The following CPO variants were observed in gnomAD, a reference collection of about 807,000 sequenced individuals.
CPO encodes metallocarboxypeptidase C.
In CPO, 43 loss-of-function variants were observed where a neutral mutation model predicts 41.2. The observed-to-expected ratio is 1.04, with a 90% CI of 0.82 to 1.35. CPO has a LOEUF of 1.35. CPO is among the 40% of genes most tolerant of loss of function. CPO has a pLI of 0.00. For missense variants in CPO, 408 were observed against 451.7 expected (o/e 0.90, Z 0.88); for synonymous variants, 178 against 162.7 (o/e 1.09, Z -0.72).
At chr2:206,949,992 C>T (rs528116124) in intron 2 of CPO, among the ~76,000 whole-genome samples, 2 of 152,256 alleles carry the variant, frequency 1.3e-5, no homozygotes, top group South Asian at 2.1e-4. Flanking sequence ...TGAACATGAA[C>T]CAGAATTAAC....
At chr2:206,956,658 G>C (rs1018444736) in intron 3 of CPO, among the ~76,000 whole-genome samples, 4 of 152,142 alleles carry the variant, frequency 2.6e-5, no homozygotes, top group Admixed American at 6.5e-5. Context: ...AAGTTCCTAG[G>C]TGATGCTGAT....
In CPO at chr2:206,958,379, G is replaced by A; in HGVS notation, c.346G>A (p.Ala116Thr). 6.2e-7 allele frequency: 1 copy of A among 1,601,118 alleles called. No homozygotes were observed. Among genetic ancestry groups the A allele is most frequent in the Non-Finnish European group, 8.5e-7 (1 of 1,172,552 alleles). ...GIHAREWIAP[A>T]FCQWFVKEIL... ...TCACGCCAGAGAATGGATTGCTCCT[G>A]CTTTTTGCCAATGGTTCGTCAAAGA... Residue 116 changes from alanine (A) to threonine (T), a missense_variant, in exon 4 of 9, where the codon GCT (alanine) becomes ACT (threonine). Coordinates refer to ENST00000272852, the MANE Select transcript of CPO (RefSeq NM_173077.3).
intron 3 of CPO, 80 bp from the exon 4 acceptor site, chr2:206,958,221 A>G (rs1693407782): frequency 2.7e-6 from 2 of 729,258 alleles, no homozygotes; most frequent in Middle Eastern, 2.5e-4. Context: ...CTCTAGGGGA[A>G]TTAAAAATCT....
Position 206,949,630 on chromosome 2 carries a change from C to T in CPO, c.82C>T (p.His28Tyr). The T allele has an allele frequency of 6.2e-7, 1 of 1,613,086 alleles. No homozygotes were observed. The highest frequency in any genetic ancestry group is 8.5e-7 in the Non-Finnish European group (1 of 1,179,182). ...TTCCCTTTGCAGATCCTTAGCCCAA[C>T]ACAGACAAGAGATTGTGGACAAGTC... ...GLGYDRSLAQ[H>Y]RQEIVDKSVS... Residue 28 changes from histidine (H) to tyrosine (Y), a missense_variant, in exon 2 of 9, where the codon CAC (histidine) becomes TAC (tyrosine). Transcript: ENST00000272852.
At chr2:206,968,150 GT>G (rs2105831035) in intron 7 of CPO, 112 bp from the exon 8 acceptor site, 1 of 741,142 alleles carries the variant, frequency 1.3e-6, no homozygotes, top group Admixed American at 2.0e-5. Flanking sequence ...CCGATGGGAA[GT>G]TGGAAAGGTG....
rs753747348 is a variant in CPO at position 206,941,155 on chromosome 2, TGAAA to T, written c.68+1491_68+1494del. Among the ~76,000 whole-genome samples, 15 of 152,122 alleles carry T rather than the reference TGAAA, an allele frequency of 9.9e-5. No individual in the cohort carries two copies. In the East Asian group the frequency reaches 2.7e-3, roughly 27 times the overall value. Reference sequence around the variant, plus strand: ...TATACTGAGGAAATAAACTAAAGTCTGAAAGAGTTTTATGCAGCTCTGGGATACA... The same window carrying T: ...TATACTGAGGAAATAAACTAAAGTCTGAGTTTTATGCAGCTCTGGGATACA... On this transcript the variant is annotated intron_variant, in intron 1 of 8. Coordinates refer to ENST00000272852, the MANE Select transcript of CPO (RefSeq NM_173077.3).
At chr2:206,962,169 A>G (rs571594365) in intron 6 of CPO, among the ~76,000 whole-genome samples, 2 of 151,572 alleles carry the variant, frequency 1.3e-5, no homozygotes, top group Non-Finnish European at 2.9e-5. Flanking sequence ...TTCCCGGGCC[A>G]TGGAAGCATG....
chr2:206,960,649 G>A (rs1056170053), intron 5 of CPO, among the ~76,000 whole-genome samples: 2 of 152,186 alleles, frequency 1.3e-5, no homozygotes, highest in African/African-American at 2.4e-5. Context: ...TATACTTTTG[G>A]TTGTACAGAT....
chr2:206,962,307 C>A lies in CPO; in HGVS notation c.575-105C>A, dbSNP rs73983121. On this transcript the variant is annotated intron_variant, in intron 6 of 8. Coordinates refer to ENST00000272852, the MANE Select transcript of CPO (RefSeq NM_173077.3). ...ACTAACTCAGACAACCAAGGGCAAG[C>A]GCTGATTCTACTCACAGAGGCCCTG... 4.1e-6 allele frequency: 4 copies of A among 965,112 alleles called. No homozygotes were observed. The South Asian group carries it at 5.9e-5, about 14-fold the overall frequency. The allele number at this position is 965,112 out of a possible 1,614,324, so 59.8% of individuals were successfully genotyped here.
intron 1 of CPO, among the ~76,000 whole-genome samples, chr2:206,944,474 A>G: frequency 6.6e-6 from 1 of 151,820 alleles, no homozygotes; most frequent in Non-Finnish European, 1.5e-5. Context: ...AATATTATAA[A>G]TAGATTTGTG....
intron 1 of CPO, among the ~76,000 whole-genome samples, chr2:206,943,785 G>GATGATAAA (rs1559068550): frequency 2.3e-5 from 3 of 131,334 alleles, no homozygotes; most frequent in African/African-American, 7.6e-5. Flanking sequence ...TAGATGATAA[G>GATGATAAA]CAGATAGATG....
intron 1 of CPO, among the ~76,000 whole-genome samples, chr2:206,945,401 T>C (rs981037542): frequency 1.3e-5 from 2 of 148,636 alleles, no homozygotes; most frequent in Admixed American, 6.7e-5. Context: ...AATTACCACT[T>C]AATATGCCCT....
At chr2:206,946,407 A>G (rs1693146747) in intron 1 of CPO, among the ~76,000 whole-genome samples, 1 of 152,210 alleles carries the variant, frequency 6.6e-6, no homozygotes, top group Non-Finnish European at 1.5e-5. Context: ...AGATGTAGAA[A>G]AAGCATTTGA....
rs138663928 is a variant in CPO at position 206,949,643 on chromosome 2, T to C, written c.95T>C (p.Ile32Thr). 9.9e-6 allele frequency: 16 copies of C among 1,613,408 alleles called. No individual in the cohort carries two copies. The highest frequency in any genetic ancestry group is 2.7e-5 in the African/African-American group (2 of 75,012). Reference sequence around the variant, plus strand: ...TCCTTAGCCCAACACAGACAAGAGATTGTGGACAAGTCAGTGAGTCCATGG... The same window carrying C: ...TCCTTAGCCCAACACAGACAAGAGACTGTGGACAAGTCAGTGAGTCCATGG... ...DRSLAQHRQE[I>T]VDKSVSPWSL... Residue 32 changes from isoleucine to threonine, a missense_variant, in exon 2 of 9, where the codon ATT (isoleucine) becomes ACT (threonine). Ile to Thr is a moderately conservative substitution (Grantham distance 89, BLOSUM62 -1). Transcript: ENST00000272852.
chr2:206,952,207 G>T lies in CPO; in HGVS notation c.165+2494G>T, dbSNP rs187613053. Among the ~76,000 whole-genome samples, 518 of 151,754 alleles carry T rather than the reference G, an allele frequency of 3.4e-3. 1 individual carries two copies. Among genetic ancestry groups the T allele is most frequent in the African/African-American group, 0.012 (505 of 41,322 alleles). ...TGGCTCACTGCAACCTCCACCTCCT[G>T]GGTTCAAGCAATTCTCTGCCTCAGC... is the stretch of plus-strand genomic sequence containing the variant. On this transcript the variant is annotated intron_variant, in intron 2 of 8. Transcript: ENST00000272852.
intron 3 of CPO, among the ~76,000 whole-genome samples, chr2:206,956,104 T>A (rs1429630862): frequency 6.6e-6 from 1 of 151,974 alleles, no homozygotes; most frequent in African/African-American, 2.4e-5. Context: ...TCCTACCCCT[T>A]TTGCATGCAA....
chr2:206,962,654 A>G, intron 7 of CPO, 40 bp downstream of exon 7: 1 of 1,506,546 alleles, frequency 6.6e-7, no homozygotes, highest in Non-Finnish European at 9.2e-7. Context: ...AAACCTCAGC[A>G]AGACCTCTGC....
Position 206,955,700 on chromosome 2 carries a change from G to A in CPO, c.267+136G>A. On this transcript the variant is annotated intron_variant, in intron 3 of 8. Coordinates refer to ENST00000272852, the MANE Select transcript of CPO (RefSeq NM_173077.3). ...GTTTGCTTTTTCCACCCCAAATGGG[G>A]CTCTTAAAGTTCAAAACTCATAGAT... The A allele has an allele frequency of 7.8e-6, 5 of 640,344 alleles. No individual in the cohort carries two copies. The South Asian group carries it at 9.2e-5, about 12-fold the overall frequency. The allele number at this position is 640,344 out of a possible 1,614,324, so 39.7% of individuals were successfully genotyped here.
intron 2 of CPO, among the ~76,000 whole-genome samples, chr2:206,951,620 T>C (rs1414159188): frequency 6.6e-6 from 1 of 152,244 alleles, no homozygotes; most frequent in Non-Finnish European, 1.5e-5. Context: ...TCTACAATTT[T>C]GTAAAGGTCC....
Sources: allele counts gnomAD v4.1 joint callset (sites outside exome capture counted in the v4.1 genomes callset), GRCh38; gene constraint gnomAD v4.1.1; transcripts MANE v1.5; gene names NCBI Gene and HGNC (gene_info 2026-07-23, HGNC 2026-07-21).